Variants in NEGR1 observed in about 807,000 individuals in gnomAD.
NEGR1 encodes IgLON family member 4.
NEGR1 carries 10 observed loss-of-function variants against 40.9 expected under a neutral mutation model. That is an observed-to-expected ratio of 0.24 (90% CI 0.15 to 0.42). The LOEUF (loss-of-function observed/expected upper bound fraction) is 0.42. Ranked by LOEUF, NEGR1 falls within the 10% of genes least tolerant of loss-of-function variation. The probability of loss-of-function intolerance (pLI) is 1.00; values close to 1 mark genes in which losing one functional copy is unlikely to be tolerated. For synonymous variants in NEGR1, 185 were observed against 166.8 expected (o/e 1.11, Z -0.84); for missense variants, 352 against 438.9 (o/e 0.80, Z 1.77).
intron 4 of NEGR1, among the ~76,000 whole-genome samples, chr1:71,695,365 T>C (rs1653442304): frequency 6.6e-6 from 1 of 151,740 alleles, no homozygotes. Context: ...GAAAATCCTG[T>C]TGGGTCTATT....
intron 1 of NEGR1, among the ~76,000 whole-genome samples, chr1:72,200,378 T>G (rs1467579395): frequency 1.3e-5 from 2 of 151,944 alleles, no homozygotes; most frequent in Non-Finnish European, 2.9e-5. Context: ...TCCATGGATG[T>G]TGCTGGGAGC....
rs1653940269 is a variant in NEGR1 at position 72,219,497 on chromosome 1, T to C, written c.176+62822A>G. The stretch of plus-strand genomic sequence containing the variant: ...TATTTTATTTTTAGTTTGAAATTAA[T>C]TTAAGCAATTCCACTCTGAGTTATA... On this transcript the variant is annotated intron_variant, in intron 1 of 6. Transcript: ENST00000357731. Among the ~76,000 whole-genome samples, 3 of 152,072 alleles carry C rather than the reference T, an allele frequency of 2.0e-5. No individual in the cohort carries two copies. In the South Asian group the frequency reaches 6.2e-4, roughly 31 times the overall value.
intron 4 of NEGR1, among the ~76,000 whole-genome samples, chr1:71,695,673 C>T (rs970599966): frequency 6.6e-6 from 1 of 151,892 alleles, no homozygotes; most frequent in South Asian, 2.1e-4. Flanking sequence ...GTTCCAGCTC[C>T]CATCTTGTGT....
intron 1 of NEGR1, among the ~76,000 whole-genome samples, chr1:72,120,719 T>A (rs1319102650): frequency 6.6e-6 from 1 of 151,972 alleles, no homozygotes; most frequent in Admixed American, 6.6e-5. Context: ...GTCTATGTGA[T>A]CTCATTGTTC....
chr1:71,870,363 C>T (rs984160499), intron 2 of NEGR1, among the ~76,000 whole-genome samples: 2 of 152,028 alleles, frequency 1.3e-5, no homozygotes, highest in Admixed American at 1.3e-4. Flanking sequence ...ATAATTAACG[C>T]ATAATTACGT....
At chr1:72,016,549 C>T (rs1023334033) in intron 1 of NEGR1, among the ~76,000 whole-genome samples, 1 of 152,138 alleles carries the variant, frequency 6.6e-6, no homozygotes, top group African/African-American at 2.4e-5. Context: ...TCTGGAATTT[C>T]CCCTAAACTT....
chr1:71,654,464 T>C (rs1390477053), intron 4 of NEGR1, among the ~76,000 whole-genome samples: 1 of 152,180 alleles, frequency 6.6e-6, no homozygotes, highest in Non-Finnish European at 1.5e-5. Flanking sequence ...TGTATACTTC[T>C]TGCACAATAT....
At chr1:72,255,897 A>G (rs9988408) in intron 1 of NEGR1, among the ~76,000 whole-genome samples, 6,528 of 152,290 alleles carry the variant, frequency 0.043, 479 homozygotes, top group African/African-American at 0.15. Context: ...AATGTAGAAA[A>G]CATTACATTT....
At chr1:71,621,791 A>T (rs75531897) in intron 4 of NEGR1, among the ~76,000 whole-genome samples, 3,374 of 151,942 alleles carry the variant, frequency 0.022, 124 homozygotes, top group African/African-American at 0.077. Flanking sequence ...TATTATATTC[A>T]ACTTTTTCAA....
intron 1 of NEGR1, among the ~76,000 whole-genome samples, chr1:72,107,410 T>G (rs983319425): frequency 4.0e-5 from 6 of 151,692 alleles, no homozygotes; most frequent in Non-Finnish European, 8.9e-5. Context: ...ACATAAATTT[T>G]TTTTCAGAAA....
chr1:71,690,292 T>A (rs1223089768), intron 4 of NEGR1, among the ~76,000 whole-genome samples: 1 of 151,924 alleles, frequency 6.6e-6, no homozygotes, highest in African/African-American at 2.4e-5. Flanking sequence ...AAGAATTCAA[T>A]CCATAAATTA....
intron 1 of NEGR1, among the ~76,000 whole-genome samples, chr1:72,236,497 T>C (rs2100506742): frequency 1.3e-5 from 2 of 152,102 alleles, no homozygotes; most frequent in South Asian, 4.1e-4. Context: ...GAAACAATTT[T>C]GAAGTGCCTG....
At chr1:72,197,552 AATTG>A (rs1417984210) in intron 1 of NEGR1, among the ~76,000 whole-genome samples, 2 of 152,188 alleles carry the variant, frequency 1.3e-5, no homozygotes, top group African/African-American at 2.4e-5. Context: ...ATCATTCATA[AATTG>A]ATTAACAACA....
intron 4 of NEGR1, among the ~76,000 whole-genome samples, chr1:71,620,761 T>G (rs957728265): frequency 1.3e-5 from 2 of 151,908 alleles, no homozygotes; most frequent in Non-Finnish European, 2.9e-5. Flanking sequence ...AATAATCTAG[T>G]TTGTAATGTA....
chr1:72,196,134 C>A (rs1025521433), intron 1 of NEGR1, among the ~76,000 whole-genome samples: 1 of 151,954 alleles, frequency 6.6e-6, no homozygotes, highest in Non-Finnish European at 1.5e-5. Flanking sequence ...ATAAGTTGAA[C>A]ATCCCAAATC....
intron 2 of NEGR1, among the ~76,000 whole-genome samples, chr1:71,845,472 G>A (rs1659373956): frequency 6.6e-6 from 1 of 152,062 alleles, no homozygotes; most frequent in South Asian, 2.1e-4. Context: ...AAATCAGGCT[G>A]CCCCAATTTC....
At chr1:71,480,370 A>G (rs1428233321) in intron 6 of NEGR1, among the ~76,000 whole-genome samples, 1 of 151,778 alleles carries the variant, frequency 6.6e-6, no homozygotes, top group Non-Finnish European at 1.5e-5. Flanking sequence ...CAACCCTCTT[A>G]CTTTGTTCTG....
At chr1:71,553,070 A>T (rs918953551) in intron 6 of NEGR1, among the ~76,000 whole-genome samples, 2 of 151,536 alleles carry the variant, frequency 1.3e-5, no homozygotes, top group African/African-American at 2.4e-5. Context: ...AAACCTAGGC[A>T]ATTTCCTGTT....
intron 1 of NEGR1, among the ~76,000 whole-genome samples, chr1:72,198,377 A>G (rs1310882705): frequency 3.3e-5 from 5 of 151,998 alleles, no homozygotes; most frequent in African/African-American, 1.2e-4. Flanking sequence ...GCCATGAGAC[A>G]ACTTTGAGGA....
Sources: gnomAD v4.1 joint callset for allele counts (sites outside exome capture counted in the v4.1 genomes callset) on GRCh38, gnomAD v4.1.1 for gene constraint, MANE v1.5 for transcripts, NCBI Gene and HGNC (gene_info 2026-07-23, HGNC 2026-07-21) for gene names.